Variants in DGKB observed in about 807,000 individuals in gnomAD.
DGKB encodes the protein 90 kDa diacylglycerol kinase.
DGKB carries 67 observed loss-of-function variants against 114.3 expected under a neutral mutation model. The ratio of observed to expected loss-of-function variants is 0.59; its 90% CI spans 0.48 to 0.72. The LOEUF (loss-of-function observed/expected upper bound fraction) is 0.72, where lower values mean the gene tolerates loss of function less well. Among genes scored for constraint, DGKB ranks in the 30% least tolerant of loss-of-function variants. DGKB has a pLI of 0.00. For missense variants in DGKB, 907 were observed against 975.2 expected (o/e 0.93, Z 0.93); for synonymous variants, 398 against 323.1 (o/e 1.23, Z -2.49).
intron 6 of DGKB, among the ~76,000 whole-genome samples, chr7:14,716,186 C>G (rs1018427778): frequency 1.3e-5 from 2 of 152,146 alleles, no homozygotes; most frequent in Non-Finnish European, 2.9e-5. Flanking sequence ...TTTCACTGGA[C>G]AGAAGGAATT....
chr7:14,651,223 A>G (rs1032657963), intron 13 of DGKB, among the ~76,000 whole-genome samples: 3 of 152,208 alleles, frequency 2.0e-5, no homozygotes, highest in Non-Finnish European at 4.4e-5. Flanking sequence ...AATATCCTTG[A>G]TGAACATTGA....
intron 14 of DGKB, among the ~76,000 whole-genome samples, chr7:14,624,430 A>G (rs1229181675): frequency 6.6e-6 from 1 of 152,226 alleles, no homozygotes; most frequent in Non-Finnish European, 1.5e-5. Flanking sequence ...TTGATTAGTT[A>G]CAATGGAACT....
At chr7:14,418,388 T>TACACACAC (rs1826123993) in intron 21 of DGKB, among the ~76,000 whole-genome samples, 2 of 144,758 alleles carry the variant, frequency 1.4e-5, no homozygotes, top group East Asian at 2.0e-4. Context: ...TATATATATA[T>TACACACAC]ATATACACAC....
chr7:14,913,666 G>T (rs543246056), intron 1 of DGKB, among the ~76,000 whole-genome samples: 1 of 151,840 alleles, frequency 6.6e-6, no homozygotes, highest in Non-Finnish European at 1.5e-5. Context: ...AAAATGACAC[G>T]GAAGTTTTTC....
intron 20 of DGKB, among the ~76,000 whole-genome samples, chr7:14,571,711 C>T (rs942155417): frequency 5.3e-5 from 8 of 152,096 alleles, no homozygotes; most frequent in Admixed American, 2.6e-4. Context: ...TATTAAAAGC[C>T]GAAGTGATTT....
chr7:14,963,752 T>C (rs1166242256), intron 1 of DGKB, among the ~76,000 whole-genome samples: 1 of 152,116 alleles, frequency 6.6e-6, no homozygotes, highest in African/African-American at 2.4e-5. Context: ...TAAATTCCCA[T>C]TTCTCAGCTA....
In DGKB at chr7:14,819,066, G is replaced by A. The variant is rs1223215954; in HGVS notation, c.70+22128C>T. 3.3e-5 allele frequency among the ~76,000 whole-genome samples: 5 copies of A among 152,028 alleles called. No homozygotes were observed. In the East Asian group the frequency reaches 9.7e-4, roughly 29 times the overall value. ...CTGTGTCCACCTTCCACTTCCTGCT[G>A]GTTTTCTCTTAGTCTACGCCCTGTC... On this transcript the variant is annotated intron_variant, in intron 2 of 25. Coordinates refer to ENST00000402815, the MANE Select transcript of DGKB (RefSeq NM_001350709.2).
At position 14,409,531 on chromosome 7, in the gene DGKB, C is replaced by A. The variant is rs1447808144; in HGVS notation, c.1836-64140G>T. On this transcript the variant is annotated intron_variant, in intron 21 of 25. Transcript: ENST00000402815. ...GACCATCCTGGCTAACAAGGTGAAA[C>A]CCCGTCTCTACTAAAAATACAAAAA... 5.4e-5 allele frequency among the ~76,000 whole-genome samples: 2 copies of A among 37,326 alleles called. 1 individual carries two copies. The allele number at this position is 37,326 out of a possible 152,430, so 24.5% of individuals were successfully genotyped here.
rs190294708 is a variant in DGKB, at chr7:14,539,985, T to C, written c.1770+34227A>G. 9.9e-5 allele frequency among the ~76,000 whole-genome samples: 15 copies of C among 152,200 alleles called. No homozygotes were observed. The East Asian group carries it at 2.5e-3, about 25-fold the overall frequency. Reference sequence around the variant, plus strand: ...TCATGTGATATGCAGAAAAACATCATTGAGCATGTTTTTCTCATTTATATA... The same window carrying C: ...TCATGTGATATGCAGAAAAACATCACTGAGCATGTTTTTCTCATTTATATA... On this transcript the variant is annotated intron_variant, in intron 20 of 25. Transcript: ENST00000402815.
At chr7:14,458,160 G>T (rs761144679) in intron 21 of DGKB, among the ~76,000 whole-genome samples, 3 of 151,976 alleles carry the variant, frequency 2.0e-5, no homozygotes, top group Non-Finnish European at 4.4e-5. Context: ...ATTTTAATTC[G>T]ATTTCAGGTA....
chr7:14,162,504 T>A (rs1040884093), intron 25 of DGKB, among the ~76,000 whole-genome samples: 1 of 152,176 alleles, frequency 6.6e-6, no homozygotes, highest in African/African-American at 2.4e-5. Flanking sequence ...CTCATTTAAT[T>A]TTTAACCTTT....
intron 21 of DGKB, among the ~76,000 whole-genome samples, chr7:14,395,964 C>T (rs907487776): frequency 6.6e-6 from 1 of 151,838 alleles, no homozygotes; most frequent in Admixed American, 6.6e-5. Context: ...ATAAATTATA[C>T]ATTTGAAGGA....
At chr7:14,531,434 T>C (rs1199609902) in intron 20 of DGKB, among the ~76,000 whole-genome samples, 6 of 151,276 alleles carry the variant, frequency 4.0e-5, no homozygotes, top group African/African-American at 1.5e-4. Flanking sequence ...TACAGTAAAG[T>C]CAAAAAATTA....
chr7:14,240,352 A>G (rs939801955), intron 23 of DGKB, among the ~76,000 whole-genome samples: 2 of 152,096 alleles, frequency 1.3e-5, no homozygotes, highest in African/African-American at 4.8e-5. Context: ...TTTGCACCCA[A>G]AACAACCAAG....
In DGKB at chr7:14,175,211, G is replaced by A. The variant is rs138880654; in HGVS notation, c.2304+1628C>T. ...TATGCTATTTAACCTCCCAGAACTT[G>A]TATTTTCTCCATCTAAAAAATGGTG... On this transcript the variant is annotated intron_variant, in intron 25 of 25. Coordinates refer to ENST00000402815, the MANE Select transcript of DGKB (RefSeq NM_001350709.2). 2.6e-4 allele frequency among the ~76,000 whole-genome samples: 40 copies of A among 152,198 alleles called. No homozygotes were observed. The East Asian group carries it at 7.1e-3, about 27-fold the overall frequency.
chr7:14,557,048 A>G (rs796279595), intron 20 of DGKB, among the ~76,000 whole-genome samples: 74 of 152,236 alleles, frequency 4.9e-4, no homozygotes, highest in African/African-American at 1.8e-3. Context: ...GATCACCTGG[A>G]AGCTTGTTGG....
chr7:14,663,894 T>G (rs1205330431), intron 13 of DGKB, among the ~76,000 whole-genome samples: 9 of 151,918 alleles, frequency 5.9e-5, no homozygotes, highest in Non-Finnish European at 1.2e-4. Context: ...GGCAGCTCAC[T>G]CTCTCAATCC....
chr7:14,464,252 A>G (rs1833521633), intron 21 of DGKB, among the ~76,000 whole-genome samples: 1 of 152,184 alleles, frequency 6.6e-6, no homozygotes, highest in South Asian at 2.1e-4. Context: ...ACATAAATGA[A>G]TTTTATATTC....
chr7:14,363,645 T>C (rs532107269), intron 21 of DGKB, among the ~76,000 whole-genome samples: 1 of 152,158 alleles, frequency 6.6e-6, no homozygotes, highest in South Asian at 2.1e-4. Context: ...ATTTGATATA[T>C]GGAGGATACA....
Sources: gnomAD v4.1 joint callset for allele counts (sites outside exome capture counted in the v4.1 genomes callset) on GRCh38, gnomAD v4.1.1 for gene constraint, MANE v1.5 for transcripts, NCBI Gene and HGNC (gene_info 2026-07-23, HGNC 2026-07-21) for gene names.